The following TRIM2 variants were observed in gnomAD, a reference collection of about 807,000 sequenced individuals.
The protein encoded by TRIM2 is tripartite motif-containing protein 2.
Under a neutral mutation model 75.2 loss-of-function variants are expected in TRIM2, and 20 were observed. The ratio of observed to expected loss-of-function variants is 0.27; its 90% CI spans 0.19 to 0.39. The LOEUF is 0.39. TRIM2 is among the 10% of genes least tolerant of loss of function. The pLI is 1.00. For missense variants in TRIM2, 660 were observed against 990.8 expected (o/e 0.67, Z 4.48); for synonymous variants, 373 against 388.3 (o/e 0.96, Z 0.46).
chr4:153,288,067 AT>A (rs1161661939), intron 3 of TRIM2, among the ~76,000 whole-genome samples: 2 of 151,000 alleles, frequency 1.3e-5, no homozygotes, highest in African/African-American at 2.4e-5. Context: ...TGTCAGGTTT[AT>A]TTTTTTTTCA....
At chr4:153,265,988 C>G (rs1187700011) in intron 1 of TRIM2, among the ~76,000 whole-genome samples, 2 of 152,134 alleles carry the variant, frequency 1.3e-5, no homozygotes, top group Admixed American at 6.5e-5. Context: ...CAGACAGGCT[C>G]TCAACATTTT....
intron 1 of TRIM2, chr4:153,153,396 C>A (rs949490210): frequency 6.6e-6 from 1 of 150,402 alleles, no homozygotes; most frequent in Non-Finnish European, 1.5e-5. Flanking sequence ...TGCGGGAGGG[C>A]CCCGAGACGC....
chr4:153,155,485 G>A (rs377169875), intron 1 of TRIM2, among the ~76,000 whole-genome samples: 1 of 152,148 alleles, frequency 6.6e-6, no homozygotes, highest in South Asian at 2.1e-4. Flanking sequence ...TAAAAGAACC[G>A]AGGCTGTTTT....
chr4:153,223,791 A>C (rs1316358855), intron 1 of TRIM2, among the ~76,000 whole-genome samples: 1 of 152,260 alleles, frequency 6.6e-6, no homozygotes, highest in South Asian at 2.1e-4. Flanking sequence ...GCTTTAATTT[A>C]TGGAACAGAG....
chr4:153,244,157 TTC>T (rs1291928913), intron 1 of TRIM2, among the ~76,000 whole-genome samples: 1 of 141,448 alleles, frequency 7.1e-6, no homozygotes, highest in African/African-American at 2.8e-5. Flanking sequence ...CTTCTTGTTC[TTC>T]TTCTTCTTCT....
chr4:153,230,263 C>T (rs926720781), intron 1 of TRIM2, among the ~76,000 whole-genome samples: 3 of 152,180 alleles, frequency 2.0e-5, no homozygotes, highest in African/African-American at 7.2e-5. Flanking sequence ...TCACTGCAGC[C>T]TTTGCCTCCA....
At chr4:153,246,607 G>A (rs1303389744) in intron 1 of TRIM2, among the ~76,000 whole-genome samples, 1 of 152,202 alleles carries the variant, frequency 6.6e-6, no homozygotes, top group Non-Finnish European at 1.5e-5. Flanking sequence ...CTAGCACATA[G>A]TAGAAGCTAA....
chr4:153,337,727 T>C lies in TRIM2; in HGVS notation c.*2761T>C, dbSNP rs1772612080. ...GATATTAAAATAAGTGGCTTTTTTC[T>C]GGGCTACCATTATTGTTTGATTTCT... On this transcript the variant is annotated 3_prime_UTR_variant, in exon 12 of 12. Transcript: ENST00000338700. 1.0e-6 allele frequency: 1 copy of C among 985,770 alleles called. No homozygotes were observed. Among genetic ancestry groups the C allele is most frequent in the African/African-American group, 1.7e-5 (1 of 57,240 alleles). The allele number at this position is 985,770 out of a possible 1,614,324, so 61.1% of individuals were successfully genotyped here. A position where few individuals can be genotyped will look rare whatever the true frequency, so the allele number is the denominator to read the frequency against.
chr4:153,257,578 C>G (rs560172679), intron 1 of TRIM2: 1 of 1,289,812 alleles, frequency 7.8e-7, no homozygotes, highest in South Asian at 1.2e-5. Context: ...AGAAGATATG[C>G]TGGGCTTCTG....
intron 1 of TRIM2, among the ~76,000 whole-genome samples, chr4:153,259,530 C>G (rs1202658928): frequency 1.3e-5 from 2 of 152,178 alleles, no homozygotes; most frequent in African/African-American, 4.8e-5. Context: ...AAGAGAAATA[C>G]TTTTGAATTT....
chr4:153,280,384 C>CTTT lies in TRIM2; in HGVS notation c.453+4268_453+4270dup, dbSNP rs3048122. ...TTAATTAAAATACCCCAGCAAATTC[C>CTTT]TTTTTTTTTTTTTTTTGCTGGGTCT... On this transcript the variant is annotated intron_variant, in intron 3 of 11. Coordinates refer to ENST00000338700, the MANE Select transcript of TRIM2 (RefSeq NM_015271.5). Among the ~76,000 whole-genome samples the CTTT allele has an allele frequency of 1.5e-3, 181 of 116,968 alleles. 22 individuals carry two copies. The highest frequency in any genetic ancestry group is 5.4e-3 in the Middle Eastern group (1 of 186). The allele number at this position is 116,968 out of a possible 152,430, so 76.7% of individuals were successfully genotyped here. A position where few individuals can be genotyped will look rare whatever the true frequency, so the allele number is the denominator to read the frequency against.
At chr4:153,318,365 C>G (rs886676252) in intron 8 of TRIM2, among the ~76,000 whole-genome samples, 9 of 152,192 alleles carry the variant, frequency 5.9e-5, no homozygotes, top group Admixed American at 6.5e-5. Context: ...TGTGAGGCAG[C>G]ATCTTGTCAA....
Position 153,338,920 on chromosome 4 carries a change from T to C in TRIM2, c.*3954T>C, listed in dbSNP as rs371105826. On this transcript the variant is annotated 3_prime_UTR_variant, in exon 12 of 12. Transcript: ENST00000338700. ...ATTCTTTATATCGTTCTCAATTCTA[T>C]AGACTTTCAAGCCTATGTATGAATA... 28 of 985,402 alleles carry C rather than the reference T, an allele frequency of 2.8e-5. No individual in the cohort carries two copies. The highest frequency in any genetic ancestry group is 1.4e-4 in the African/African-American group (8 of 57,132). 61.0% of individuals were successfully genotyped at this position (985,402 alleles called of 1,614,324 possible). A position where few individuals can be genotyped will look rare whatever the true frequency, so the allele number is the denominator to read the frequency against.
chr4:153,199,970 C>T (rs1734162893), upstream of TRIM2, among the ~76,000 whole-genome samples: 1 of 133,086 alleles, frequency 7.5e-6, no homozygotes, highest in Admixed American at 8.2e-5. Flanking sequence ...GAGATGGAGT[C>T]TCACTCTGTC....
At chr4:153,244,692 ATAT>A in intron 1 of TRIM2, among the ~76,000 whole-genome samples, 1 of 152,226 alleles carries the variant, frequency 6.6e-6, no homozygotes, top group African/African-American at 2.4e-5. Context: ...ACATATTTTA[ATAT>A]TATTAGAGAA....
intron 3 of TRIM2, among the ~76,000 whole-genome samples, chr4:153,282,397 T>TTTTG (rs201048822): frequency 0.014 from 2,172 of 152,222 alleles, 56 homozygotes; most frequent in African/African-American, 0.05. Flanking sequence ...TGAGATCAAT[T>TTTTG]TTTGTTTGTT....
intron 6 of TRIM2, among the ~76,000 whole-genome samples, chr4:153,304,053 G>A (rs1764481581): frequency 6.6e-6 from 1 of 152,126 alleles, no homozygotes; most frequent in Non-Finnish European, 1.5e-5. Context: ...GATGGTGGGG[G>A]GAGAAGGCTG....
At chr4:153,230,710 A>T (rs1743392553) in intron 1 of TRIM2, among the ~76,000 whole-genome samples, 1 of 152,132 alleles carries the variant, frequency 6.6e-6, no homozygotes, top group African/African-American at 2.4e-5. Context: ...CTGTTGACCC[A>T]CCAGGATATG....
At chr4:153,327,315 T>C (rs1002048405) in intron 10 of TRIM2, among the ~76,000 whole-genome samples, 2 of 152,204 alleles carry the variant, frequency 1.3e-5, no homozygotes, top group African/African-American at 4.8e-5. Flanking sequence ...GATGGAAGTG[T>C]CCTACTTTCC....
Sources: allele counts gnomAD v4.1 joint callset (sites outside exome capture counted in the v4.1 genomes callset), GRCh38; gene constraint gnomAD v4.1.1; transcripts MANE v1.5; gene names NCBI Gene and HGNC (gene_info 2026-07-23, HGNC 2026-07-21).